The following NELL1 variants were observed in gnomAD, a reference collection of about 807,000 sequenced individuals.
The protein encoded by NELL1 is neural EGFL like 1.
In NELL1, 76 loss-of-function variants were observed where a neutral mutation model predicts 107.4. That is an observed-to-expected ratio of 0.71 (90% CI 0.59 to 0.86). The LOEUF (loss-of-function observed/expected upper bound fraction) is 0.86, where lower values mean the gene tolerates loss of function less well. Ranked by LOEUF, NELL1 falls within the 40% of genes least tolerant of loss-of-function variation. The pLI, the probability that NELL1 is intolerant of heterozygous loss-of-function variation, is 0.00. For missense variants in NELL1, 1,024 were observed against 1,005.5 expected (o/e 1.02, Z -0.25); for synonymous variants, 353 against 341.2 (o/e 1.03, Z -0.38).
intron 12 of NELL1, among the ~76,000 whole-genome samples, chr11:21,099,212 C>A (rs1406040234): frequency 7.1e-6 from 1 of 140,546 alleles, no homozygotes; most frequent in African/African-American, 2.7e-5. Flanking sequence ...CACACACACA[C>A]ACACACACAC....
rs2133839926 is a variant in NELL1 at position 20,669,784 on chromosome 11, C to T, written c.55+6C>T. The T allele has an allele frequency of 6.2e-7, 1 of 1,612,482 alleles. No homozygotes were observed. Among genetic ancestry groups the T allele is most frequent in the Non-Finnish European group, 8.5e-7 (1 of 1,178,710 alleles). On this transcript the variant is annotated splice_donor_region_variant and intron_variant, in intron 1 of 19. Transcript: ENST00000357134. The surrounding 1 kb of genome is among the most constrained non-coding windows in gnomAD (Gnocchi z 4.4). ...TGTGTGCACTGCCAGGACAGGTAAG[C>T]ATGACTGTGGCGGTTAGAGGGATCC...
chr11:21,147,665 C>T lies in NELL1; in HGVS notation c.1426+33951C>T, dbSNP rs1167210717. ...CTGACCAATATGGAGAAAACCCATC[C>T]ATCTCTACTAAAAATACAAAATTAG... is the stretch of plus-strand genomic sequence containing the variant. On this transcript the variant is annotated intron_variant, in intron 13 of 19. Coordinates refer to ENST00000357134, the MANE Select transcript of NELL1 (RefSeq NM_006157.5). Among the ~76,000 whole-genome samples, 4 of 151,380 alleles carry T rather than the reference C, an allele frequency of 2.6e-5. No homozygotes were observed. The East Asian group carries it at 5.9e-4, about 22-fold the overall frequency.
intron 13 of NELL1, among the ~76,000 whole-genome samples, chr11:21,197,612 A>G (rs2133843867): frequency 6.6e-6 from 1 of 152,264 alleles, no homozygotes; most frequent in East Asian, 1.9e-4. Flanking sequence ...TATATTTTGA[A>G]TACTGCAAAA....
rs561690654 is a variant in NELL1, at chr11:20,808,023, C to T, written c.335+24193C>T. Reference sequence around the variant, plus strand: ...AGCCTGGAATTGGGGACCCCAATAGCCTGCTTGGTGCTCTATCCCACTGTG... The same window carrying T: ...AGCCTGGAATTGGGGACCCCAATAGTCTGCTTGGTGCTCTATCCCACTGTG... On this transcript the variant is annotated intron_variant, in intron 3 of 19. Coordinates refer to ENST00000357134, the MANE Select transcript of NELL1 (RefSeq NM_006157.5). Among the ~76,000 whole-genome samples, 13 of 152,298 alleles carry T rather than the reference C, an allele frequency of 8.5e-5. No individual in the cohort carries two copies. In the East Asian group the frequency reaches 2.3e-3, roughly 27 times the overall value.
At chr11:21,176,445 G>T (rs778075780) in intron 13 of NELL1, among the ~76,000 whole-genome samples, 1 of 151,838 alleles carries the variant, frequency 6.6e-6, no homozygotes, top group Non-Finnish European at 1.5e-5. Context: ...TGGGCAGGGG[G>T]AGTACAGAAA....
At chr11:21,341,526 A>G (rs1294951462) in intron 14 of NELL1, among the ~76,000 whole-genome samples, 1 of 152,200 alleles carries the variant, frequency 6.6e-6, no homozygotes, top group Non-Finnish European at 1.5e-5. Flanking sequence ...TGACTGTAGG[A>G]GTCTGGAGTA....
At chr11:21,035,726 A>G (rs1268433274) in intron 12 of NELL1, among the ~76,000 whole-genome samples, 5 of 152,186 alleles carry the variant, frequency 3.3e-5, no homozygotes, top group Admixed American at 2.6e-4. Flanking sequence ...TATCGAAGGA[A>G]CATACTTCAA....
chr11:21,558,626 G>C (rs1856777231), intron 16 of NELL1, among the ~76,000 whole-genome samples: 1 of 151,986 alleles, frequency 6.6e-6, no homozygotes, highest in African/African-American at 2.4e-5. Context: ...TATATGCTAT[G>C]CTGGGTTTAA....
At chr11:21,284,343 CAG>C (rs1349530838) in intron 14 of NELL1, 1 of 457,204 alleles carries the variant, frequency 2.2e-6, no homozygotes, top group South Asian at 1.5e-5. Context: ...AAAGGAGTGA[CAG>C]AGAGCCTAAA....
At chr11:21,229,217 C>T (rs1857977468) in intron 13 of NELL1, 115 bp from the exon 14 acceptor site, 7 of 1,181,664 alleles carry the variant, frequency 5.9e-6, no homozygotes, top group Non-Finnish European at 8.5e-6. Flanking sequence ...TAGTAAGGTA[C>T]TGACAAGTGG....
intron 15 of NELL1, among the ~76,000 whole-genome samples, chr11:21,430,881 C>A (rs181424877): frequency 6.6e-6 from 1 of 152,222 alleles, no homozygotes; most frequent in East Asian, 1.9e-4. Flanking sequence ...CCAGACCAAG[C>A]AACTTTAGTA....
intron 13 of NELL1, among the ~76,000 whole-genome samples, chr11:21,120,368 A>G (rs945627789): frequency 6.6e-6 from 1 of 152,194 alleles, no homozygotes; most frequent in Non-Finnish European, 1.5e-5. Flanking sequence ...GATGAAATAG[A>G]GAATATTTTC....
At chr11:21,484,629 CATAT>C (rs1854581127) in intron 15 of NELL1, among the ~76,000 whole-genome samples, 1 of 151,606 alleles carries the variant, frequency 6.6e-6, no homozygotes, top group African/African-American at 2.4e-5. Context: ...TCCATATATA[CATAT>C]ATATGTGTTA....
chr11:21,103,667 A>T (rs1413564587), intron 12 of NELL1, among the ~76,000 whole-genome samples: 1 of 152,100 alleles, frequency 6.6e-6, no homozygotes, highest in African/African-American at 2.4e-5. Flanking sequence ...GTAGTATTGC[A>T]CTCTTACATC....
At chr11:21,418,365 A>G (rs1258616700) in intron 15 of NELL1, among the ~76,000 whole-genome samples, 1 of 152,134 alleles carries the variant, frequency 6.6e-6, no homozygotes, top group Non-Finnish European at 1.5e-5. Context: ...ATCTTGGTCA[A>G]CTTATCTACT....
At chr11:21,518,113 C>T (rs1855618398) in intron 15 of NELL1, among the ~76,000 whole-genome samples, 1 of 143,584 alleles carries the variant, frequency 7.0e-6, no homozygotes, top group South Asian at 2.3e-4. Flanking sequence ...ATTTTCTCAT[C>T]TTAATTTCTT....
intron 12 of NELL1, among the ~76,000 whole-genome samples, chr11:21,005,465 C>T (rs1279443065): frequency 6.6e-6 from 1 of 152,150 alleles, no homozygotes; most frequent in Non-Finnish European, 1.5e-5. Context: ...ATTGTTGGTT[C>T]ACCAGACTGG....
intron 12 of NELL1, among the ~76,000 whole-genome samples, chr11:20,971,814 G>A (rs1390166752): frequency 6.6e-6 from 1 of 152,112 alleles, no homozygotes; most frequent in East Asian, 1.9e-4. Flanking sequence ...AGAAAATGTA[G>A]CACATATAGC....
chr11:20,836,636 C>T (rs1272184966), intron 3 of NELL1, among the ~76,000 whole-genome samples: 6 of 150,958 alleles, frequency 4.0e-5, no homozygotes, highest in Non-Finnish European at 8.9e-5. Context: ...TTTTTTATGG[C>T]TGATCCTATT....
Sources: gnomAD v4.1 joint callset for allele counts (sites outside exome capture counted in the v4.1 genomes callset) on GRCh38, gnomAD v4.1.1 for gene constraint, Gnocchi (gnomAD v3.1) non-coding constraint, MANE v1.5 for transcripts, NCBI Gene and HGNC (gene_info 2026-07-23, HGNC 2026-07-21) for gene names.